The following NUDT5 variants were observed in gnomAD, a reference collection of about 807,000 sequenced individuals.
The protein encoded by NUDT5 is nudix hydrolase 5.
NUDT5 carries 21 observed loss-of-function variants against 34.1 expected under a neutral mutation model. That is an observed-to-expected ratio of 0.62 (90% CI 0.44 to 0.89). The LOEUF is 0.89. Ranked by LOEUF, NUDT5 falls within the 40% of genes least tolerant of loss-of-function variation. The probability of loss-of-function intolerance (pLI) is 0.00; values close to 1 mark genes in which losing one functional copy is unlikely to be tolerated. For missense variants in NUDT5, 249 were observed against 274.8 expected, an observed-to-expected ratio of 0.91 and a Z score of 0.66; for synonymous variants, 85 against 97.6, an observed-to-expected ratio of 0.87 and a Z score of 0.76.
rs1251198021 is a variant in NUDT5 at position 12,169,796 on chromosome 10, C to T, written c.550+921G>A. On this transcript the variant is annotated intron_variant, in intron 9 of 9. Transcript: ENST00000491614. This position sits in a 1 kb window ranked among gnomAD's most constrained non-coding sequence, Gnocchi z 4.8. The stretch of plus-strand genomic sequence containing the variant: ...CAGGCGCTCTGCTTATTCACTGAAA[C>T]CGTAAGCTGCTGAAACTCAGGGAAA... 7.1e-6 allele frequency: 2 copies of T among 279,962 alleles called. No homozygotes were observed. Among genetic ancestry groups the T allele is most frequent in the African/African-American group, 2.2e-5 (1 of 45,874 alleles). The allele number at this position is 279,962 out of a possible 1,614,324, so 17.3% of individuals were successfully genotyped here. A position where few individuals can be genotyped will look rare whatever the true frequency, so the allele number is the denominator to read the frequency against.
Position 12,173,871 on chromosome 10 carries a change from C to CTTT in NUDT5, c.290-61_290-59dup. On this transcript the variant is annotated intron_variant, in intron 5 of 9. Coordinates refer to ENST00000491614, the MANE Select transcript of NUDT5 (RefSeq NM_014142.4). The surrounding 1 kb of genome is among the most constrained non-coding windows in gnomAD (Gnocchi z 4.7). Reference sequence around the variant, plus strand: ...GGGAAATCCGGTTCTTTAAACCCTCCTTTTTTTTTTTTTGAGATGGAGTCT... The same window carrying CTTT: ...GGGAAATCCGGTTCTTTAAACCCTCCTTTTTTTTTTTTTTTTGAGATGGAGTCT... The CTTT allele has an allele frequency of 1.3e-6, 1 of 786,972 alleles. No homozygotes were observed. The highest frequency in any genetic ancestry group is 2.0e-6 in the Non-Finnish European group (1 of 503,164). 48.7% of individuals were successfully genotyped at this position (786,972 alleles called of 1,614,324 possible). A position where few individuals can be genotyped will look rare whatever the true frequency, so the allele number is the denominator to read the frequency against.
In NUDT5 at chr10:12,168,145, C is replaced by T. The variant is rs1834753602; in HGVS notation, c.551-334G>A. ...GTTTAAGCGATTCTCCTGCCTCAGC[C>T]TCCCCAGTAGCTGGGACTATAGGCG... On this transcript the variant is annotated intron_variant, in intron 9 of 9. Coordinates refer to ENST00000491614, the MANE Select transcript of NUDT5 (RefSeq NM_014142.4). This position sits in a 1 kb window ranked among gnomAD's most constrained non-coding sequence, Gnocchi z 4.8. Among the ~76,000 whole-genome samples, 1 of 152,080 alleles carries T rather than the reference C, an allele frequency of 6.6e-6. No individual in the cohort carries two copies. The highest frequency in any genetic ancestry group is 1.5e-5 in the Non-Finnish European group (1 of 68,026).
rs1834937807 is a variant in NUDT5 at position 12,175,711 on chromosome 10, T to C, written c.290-1898A>G. ...ACTTTGGGAAGCTAAGGCGGGCAGA[T>C]CACTTGAGCCAAGGAGTTAGAGATC... On this transcript the variant is annotated intron_variant, in intron 5 of 9. Coordinates refer to ENST00000491614, the MANE Select transcript of NUDT5 (RefSeq NM_014142.4). The surrounding 1 kb of genome is among the most constrained non-coding windows in gnomAD (Gnocchi z 4.8). Among the ~76,000 whole-genome samples the C allele has an allele frequency of 2.0e-5, 3 of 151,852 alleles. No homozygotes were observed. In the South Asian group the frequency reaches 6.2e-4, roughly 32 times the overall value.
rs1158332367 is a variant in NUDT5, at chr10:12,187,332, C to T, written c.-41-1000G>A. Among the ~76,000 whole-genome samples, 1 of 152,196 alleles carries T rather than the reference C, an allele frequency of 6.6e-6. No individual in the cohort carries two copies. Among genetic ancestry groups the T allele is most frequent in the African/African-American group, 2.4e-5 (1 of 41,458 alleles). ...GATTACAGGCATGAGCCACTGGACCCACCTCCCCACTTACTTTTAAGTTTC... is the reference window on the plus strand; with the variant it reads ...GATTACAGGCATGAGCCACTGGACCTACCTCCCCACTTACTTTTAAGTTTC... On this transcript the variant is annotated intron_variant, in intron 1 of 9. Coordinates refer to ENST00000491614, the MANE Select transcript of NUDT5 (RefSeq NM_014142.4). This position sits in a 1 kb window ranked among gnomAD's most constrained non-coding sequence, Gnocchi z 5.4.
At chr10:12,177,634 G>A (rs985938426) in intron 5 of NUDT5, among the ~76,000 whole-genome samples, 159 bp downstream of exon 5, 1 of 152,204 alleles carries the variant, frequency 6.6e-6, no homozygotes, top group Non-Finnish European at 1.5e-5. Flanking sequence ...TTGTTGGGGT[G>A]TCCTGGGGGC....
At position 12,195,756 on chromosome 10, in the gene NUDT5, C is replaced by T; in HGVS notation, c.-42+14G>A. Reference sequence around the variant, plus strand: ...GAGGTTTTGTGCTGTGACTGGCTTGCCCCGGTTACTTACTCCAAGGTGTAG... The same window carrying T: ...GAGGTTTTGTGCTGTGACTGGCTTGTCCCGGTTACTTACTCCAAGGTGTAG... On this transcript the variant is annotated intron_variant, in intron 1 of 9. Transcript: ENST00000491614. 1 of 166,812 alleles carries T rather than the reference C, an allele frequency of 6.0e-6. No individual in the cohort carries two copies. The highest frequency in any genetic ancestry group is 1.3e-5 in the Non-Finnish European group (1 of 75,890). 10.3% of individuals were successfully genotyped at this position (166,812 alleles called of 1,614,324 possible).
intron 1 of NUDT5, among the ~76,000 whole-genome samples, chr10:12,189,456 T>G (rs944513147): frequency 6.6e-6 from 1 of 152,182 alleles, no homozygotes; most frequent in East Asian, 1.9e-4. Flanking sequence ...AGGGAAACAG[T>G]ATCGTGCAGC....
At chr10:12,191,071 C>A (rs1453684691) in intron 1 of NUDT5, among the ~76,000 whole-genome samples, 1 of 152,146 alleles carries the variant, frequency 6.6e-6, no homozygotes, top group East Asian at 1.9e-4. Flanking sequence ...CAAGCTCCTC[C>A]TCCACTTTCT....
At chr10:12,178,938 T>C (rs1162476818) in intron 4 of NUDT5, 145 bp downstream of exon 4, 1 of 686,654 alleles carries the variant, frequency 1.5e-6, no homozygotes, top group East Asian at 2.7e-5. Flanking sequence ...AAAGCTTAAT[T>C]TCGTTACATA....
At chr10:12,194,394 G>A (rs1259631014) in intron 1 of NUDT5, among the ~76,000 whole-genome samples, 3 of 152,330 alleles carry the variant, frequency 2.0e-5, no homozygotes, top group East Asian at 3.9e-4. Context: ...CTGCCATTAA[G>A]TCTTTCTGGC....
chr10:12,169,473 G>A lies in NUDT5; in HGVS notation c.550+1244C>T, dbSNP rs976634696. The A allele has an allele frequency of 5.1e-6, 3 of 592,088 alleles. No homozygotes were observed. The highest frequency in any genetic ancestry group is 8.7e-6 in the Non-Finnish European group (3 of 343,048). The allele number at this position is 592,088 out of a possible 1,614,324, so 36.7% of individuals were successfully genotyped here. A position where few individuals can be genotyped will look rare whatever the true frequency, so the allele number is the denominator to read the frequency against. ...CCTGTTTGATGTGATAGCTAATTAT[G>A]GTCCGCGGAGCCTCAAACCGAGTCG... is the stretch of plus-strand genomic sequence containing the variant. On this transcript the variant is annotated intron_variant, in intron 9 of 9. Transcript: ENST00000491614. The surrounding 1 kb of genome is among the most constrained non-coding windows in gnomAD (Gnocchi z 4.8).
At position 12,167,415 on chromosome 10, in the gene NUDT5, A is replaced by T; in HGVS notation, c.*287T>A. On this transcript the variant is annotated 3_prime_UTR_variant, in exon 10 of 10. Transcript: ENST00000491614. Reference sequence around the variant, plus strand: ...ATACCCCTGTCTACCAGACTGGACTAGAAAAGTAACTGAGCTGTAGTTAAC... The same window carrying T: ...ATACCCCTGTCTACCAGACTGGACTTGAAAAGTAACTGAGCTGTAGTTAAC... The T allele has an allele frequency of 3.1e-6, 1 of 324,382 alleles. No homozygotes were observed. Among genetic ancestry groups the T allele is most frequent in the Non-Finnish European group, 5.8e-6 (1 of 173,098 alleles). The allele number at this position is 324,382 out of a possible 1,614,324, so 20.1% of individuals were successfully genotyped here. A position where few individuals can be genotyped will look rare whatever the true frequency, so the allele number is the denominator to read the frequency against.
At chr10:12,186,460 T>A in intron 1 of NUDT5, 128 bp from the exon 2 acceptor site, 3 of 614,318 alleles carry the variant, frequency 4.9e-6, no homozygotes, top group Non-Finnish European at 8.7e-6. Context: ...TGTCTCAGTA[T>A]GTGAGGGAAC....
In NUDT5 at chr10:12,175,226, A is replaced by G. The variant is rs1442053361; in HGVS notation, c.290-1413T>C. ...TTCCAGCTACGCGGGAGGCTGAGGC[A>G]GGAGAATCGCTTGACCCTGTTAGGC... On this transcript the variant is annotated intron_variant, in intron 5 of 9. Transcript: ENST00000491614. This position sits in a 1 kb window ranked among gnomAD's most constrained non-coding sequence, Gnocchi z 4.8. 2.0e-5 allele frequency among the ~76,000 whole-genome samples: 3 copies of G among 152,102 alleles called. No individual in the cohort carries two copies. The highest frequency in any genetic ancestry group is 2.1e-4 in the South Asian group (1 of 4,804).
chr10:12,180,061 G>A lies in NUDT5; in HGVS notation c.132-929C>T, dbSNP rs373373264. ...AAAAAGGAGTTACCACCTGCATCTC[G>A]ATAGTAAGAGCTGCAAGATATCCTC... On this transcript the variant is annotated intron_variant, in intron 3 of 9. Transcript: ENST00000491614. 1.1e-4 allele frequency among the ~76,000 whole-genome samples: 16 copies of A among 152,296 alleles called. No homozygotes were observed. In the East Asian group the frequency reaches 2.9e-3, roughly 27 times the overall value.
intron 3 of NUDT5, among the ~76,000 whole-genome samples, chr10:12,180,165 C>A (rs1835021800): frequency 6.6e-6 from 1 of 152,088 alleles, no homozygotes; most frequent in African/African-American, 2.4e-5. Context: ...TAAAATTGTT[C>A]AAATATTTAA....
Position 12,171,692 on chromosome 10 carries a change from TTTATTTATTTA to T in NUDT5, c.488-795_488-785del, listed in dbSNP as rs1834858109. On this transcript the variant is annotated intron_variant, in intron 7 of 9. Coordinates refer to ENST00000491614, the MANE Select transcript of NUDT5 (RefSeq NM_014142.4). This position sits in a 1 kb window ranked among gnomAD's most constrained non-coding sequence, Gnocchi z 4.2. ...AGTTCAAAAATTAAGATTTATTTTATTTATTTATTTATTTATTTATTTATTTATTTATTTAT... is the reference window on the plus strand; with the variant it reads ...AGTTCAAAAATTAAGATTTATTTTATTTTATTTATTTATTTATTTATTTAT... Among the ~76,000 whole-genome samples, 1 of 45,370 alleles carries T rather than the reference TTTATTTATTTA, an allele frequency of 2.2e-5. No individual in the cohort carries two copies. Among genetic ancestry groups the T allele is most frequent in the Non-Finnish European group, 6.2e-5 (1 of 16,128 alleles). 29.8% of individuals were successfully genotyped at this position (45,370 alleles called of 152,430 possible). A position where few individuals can be genotyped will look rare whatever the true frequency, so the allele number is the denominator to read the frequency against.
Position 12,182,239 on chromosome 10 carries a change from C to G in NUDT5, c.131+2650G>C, listed in dbSNP as rs1465762142. On this transcript the variant is annotated intron_variant, in intron 3 of 9. Coordinates refer to ENST00000491614, the MANE Select transcript of NUDT5 (RefSeq NM_014142.4). The surrounding 1 kb of genome is among the most constrained non-coding windows in gnomAD (Gnocchi z 4.3). ...TGTATGCCTGTGTTCTGACTGCAGC[C>G]TGTCACACAGAGTCAGGTGTGGAAT... is the stretch of plus-strand genomic sequence containing the variant. 2.0e-5 allele frequency among the ~76,000 whole-genome samples: 3 copies of G among 152,156 alleles called. No homozygotes were observed. The highest frequency in any genetic ancestry group is 4.4e-5 in the Non-Finnish European group (3 of 68,026).
At chr10:12,178,984 A>G (rs1471188179) in intron 4 of NUDT5, 99 bp downstream of exon 4, 2 of 988,690 alleles carry the variant, frequency 2.0e-6, no homozygotes, top group African/African-American at 1.6e-5. Context: ...TAAAGACACA[A>G]CATCCTAATA....
Sources: gnomAD v4.1 joint callset for allele counts (sites outside exome capture counted in the v4.1 genomes callset) on GRCh38, gnomAD v4.1.1 for gene constraint, Gnocchi (gnomAD v3.1) non-coding constraint, MANE v1.5 for transcripts, NCBI Gene and HGNC (gene_info 2026-07-23, HGNC 2026-07-21) for gene names.